The following LRRC63 variants were observed in gnomAD, a reference collection of about 807,000 sequenced individuals.
The protein encoded by LRRC63 is leucine rich repeat containing 63, also known as leucine-rich repeat-containing protein 63.
Under a neutral mutation model 49.5 loss-of-function variants are expected in LRRC63, and 40 were observed. That is an observed-to-expected ratio of 0.81 (90% confidence interval 0.63 to 1.05). The LOEUF (loss-of-function observed/expected upper bound fraction) is 1.05. Ranked by LOEUF, LRRC63 falls within the 50% of genes least tolerant of loss-of-function variation. The pLI is 0.00. For synonymous variants in LRRC63, 191 were observed against 221.1 expected (o/e 0.86, Z 1.21); for missense variants, 636 against 663.1 (o/e 0.96, Z 0.45).
intron 7 of LRRC63, among the ~76,000 whole-genome samples, chr13:46,257,420 T>C (rs1398111261): frequency 6.6e-6 from 1 of 152,222 alleles, no homozygotes; most frequent in Non-Finnish European, 1.5e-5. Context: ...CTGTTTGTGT[T>C]GCAATTTGTT....
At chr13:46,262,127 A>T (rs567645185) in intron 8 of LRRC63, 135 bp downstream of exon 8, 1 of 350,284 alleles carries the variant, frequency 2.9e-6, no homozygotes, top group Admixed American at 4.8e-5. Flanking sequence ...TTTACCAAAC[A>T]TGTAATTTGA....
chr13:46,227,595 C>G, exon 3 of LRRC63: 2 of 1,549,802 alleles, frequency 1.3e-6, no homozygotes, highest in Non-Finnish European at 1.7e-6. Flanking sequence ...AACTCGTTTT[C>G]CTGATGTTTT....
intron 4 of LRRC63, among the ~76,000 whole-genome samples, chr13:46,231,334 T>G (rs1228601828): frequency 6.6e-6 from 1 of 151,926 alleles, no homozygotes; most frequent in Non-Finnish European, 1.5e-5. Context: ...AGAAAAGAGG[T>G]TTAATTGGTT....
chr13:46,234,143 A>G (rs2046839567), intron 4 of LRRC63, 49 bp from the exon 5 acceptor site: 1 of 1,471,346 alleles, frequency 6.8e-7, no homozygotes, highest in East Asian at 2.5e-5. Context: ...TTTCATTCTA[A>G]GTGATAACAC....
intron 5 of LRRC63, among the ~76,000 whole-genome samples, chr13:46,240,031 C>T (rs1468571129): frequency 6.6e-6 from 1 of 152,062 alleles, no homozygotes; most frequent in Non-Finnish European, 1.5e-5. Context: ...TATGACAGAC[C>T]CACAGCCAAC....
intron 7 of LRRC63, among the ~76,000 whole-genome samples, chr13:46,252,110 T>C (rs17067891): frequency 0.015 from 2,320 of 152,082 alleles, 76 homozygotes; most frequent in African/African-American, 0.052. Flanking sequence ...TTAACTTTAT[T>C]GACCTCAAAG....
chr13:46,228,345 A>G (rs2046640908), intron 3 of LRRC63, among the ~76,000 whole-genome samples, 156 bp downstream of exon 3: 1 of 152,220 alleles, frequency 6.6e-6, no homozygotes, highest in Admixed American at 6.5e-5. Context: ...GCCATAGGGC[A>G]ATAACAGAAG....
In LRRC63 at chr13:46,270,428, T is replaced by A. The variant is rs567349783; in HGVS notation, c.1550+3456T>A. 2.9e-5 allele frequency: 23 copies of A among 797,870 alleles called. 1 individual carries two copies. Among genetic ancestry groups the A allele is most frequent in the South Asian group, 2.4e-4 (18 of 75,096 alleles). 49.4% of individuals were successfully genotyped at this position (797,870 alleles called of 1,614,324 possible). A position where few individuals can be genotyped will look rare whatever the true frequency, so the allele number is the denominator to read the frequency against. ...TACTGTATCTAGTTGTGTTAGAGGA[T>A]GTTCGATGGAAGTGAATGAAAAACA... On this transcript the variant is annotated intron_variant, in intron 9 of 9. Transcript: ENST00000595396.
At chr13:46,217,921 G>A (rs2046299806) in intron 2 of LRRC63, among the ~76,000 whole-genome samples, 2 of 152,210 alleles carry the variant, frequency 1.3e-5, no homozygotes, top group African/African-American at 2.4e-5. Context: ...GCAGTTTTGA[G>A]TGAGTTTCTT....
At chr13:46,241,481 TTAAAC>T (rs1209305665) in intron 5 of LRRC63, among the ~76,000 whole-genome samples, 2 of 152,142 alleles carry the variant, frequency 1.3e-5, no homozygotes, top group Non-Finnish European at 2.9e-5. Flanking sequence ...TGGGGTATAA[TTAAAC>T]TAAAGAGCAT....
chr13:46,268,283 G>A (rs1420058469), intron 9 of LRRC63, among the ~76,000 whole-genome samples: 2 of 152,108 alleles, frequency 1.3e-5, no homozygotes, highest in African/African-American at 2.4e-5. Flanking sequence ...AAAAATTATA[G>A]TAAACATGTA....
chr13:46,251,372 C>T (rs2047376463), intron 7 of LRRC63, among the ~76,000 whole-genome samples: 1 of 151,748 alleles, frequency 6.6e-6, no homozygotes, highest in Non-Finnish European at 1.5e-5. Flanking sequence ...ACATTACACA[C>T]TACATATATA....
At chr13:46,220,952 TCGC>T (rs1469183020) in intron 2 of LRRC63, among the ~76,000 whole-genome samples, 2 of 152,184 alleles carry the variant, frequency 1.3e-5, no homozygotes, top group Non-Finnish European at 2.9e-5. Flanking sequence ...TCTTTAAGCA[TCGC>T]TTCTCTACCC....
chr13:46,213,855 T>C (rs935294254), intron 2 of LRRC63, among the ~76,000 whole-genome samples: 2 of 152,194 alleles, frequency 1.3e-5, no homozygotes, highest in Non-Finnish European at 2.9e-5. Context: ...TAATGAGTAA[T>C]TCATTGTTTG....
At chr13:46,261,845 A>C (rs2047619467) in intron 7 of LRRC63, 64 bp from the exon 8 acceptor site, 2 of 461,550 alleles carry the variant, frequency 4.3e-6, no homozygotes. Context: ...TTACTCAAGT[A>C]CTTATTTATT....
Position 46,270,531 on chromosome 13 carries a change from A to G in LRRC63, c.1550+3559A>G, listed in dbSNP as rs199694149. 4.9e-6 allele frequency: 4 copies of G among 818,792 alleles called. No homozygotes were observed. The East Asian group carries it at 9.8e-5, about 20-fold the overall frequency. 50.7% of individuals were successfully genotyped at this position (818,792 alleles called of 1,614,324 possible). On this transcript the variant is annotated intron_variant, in intron 9 of 9. Transcript: ENST00000595396. ...GCAGTTGAGTTACCCAAATTTGAAG[A>G]AAGTAAAAACATAACAGAAGGGTTA...
At chr13:46,245,202 C>T (rs570607890) in intron 5 of LRRC63, among the ~76,000 whole-genome samples, 2 of 152,008 alleles carry the variant, frequency 1.3e-5, no homozygotes, top group African/African-American at 2.4e-5. Flanking sequence ...AATTCATAAA[C>T]CAAAATTTGA....
At chr13:46,270,333 A>G in intron 9 of LRRC63, 1 of 857,714 alleles carries the variant, frequency 1.2e-6, no homozygotes, top group Middle Eastern at 2.2e-4. Context: ...GGGAAATTTA[A>G]GTGGGGGGCA....
At chr13:46,223,475 G>GT (rs147982198) in intron 2 of LRRC63, among the ~76,000 whole-genome samples, 4,348 of 127,872 alleles carry the variant, frequency 0.034, 242 homozygotes, top group African/African-American at 0.13. Context: ...TTGGCTGACA[G>GT]TTTTTTTTGT....
Sources: gnomAD v4.1 joint callset for allele counts (sites outside exome capture counted in the v4.1 genomes callset) on GRCh38, gnomAD v4.1.1 for gene constraint, MANE v1.5 for transcripts, NCBI Gene and HGNC (gene_info 2026-07-23, HGNC 2026-07-21) for gene names.